GALNTL6: variants seen among roughly 807,000 people sequenced by gnomAD.
The protein encoded by GALNTL6 is polypeptide N-acetylgalactosaminyltransferase like 6.
GALNTL6 carries 46 observed loss-of-function variants against 73.7 expected under a neutral mutation model. The ratio of observed to expected loss-of-function variants is 0.62; its 90% CI spans 0.49 to 0.80. The LOEUF (loss-of-function observed/expected upper bound fraction) is 0.80. GALNTL6 is among the 30% of genes least tolerant of loss of function. GALNTL6 has a pLI of 0.00. For synonymous variants in GALNTL6, 259 were observed against 263.7 expected (o/e 0.98, Z 0.17); for missense variants, 604 against 755.0 (o/e 0.80, Z 2.34).
chr4:172,216,295 T>C (rs1157011095), intron 2 of GALNTL6, among the ~76,000 whole-genome samples: 1 of 152,106 alleles, frequency 6.6e-6, no homozygotes, highest in Admixed American at 6.6e-5. Context: ...GAAAAATAAT[T>C]TCACTGAGTA....
intron 5 of GALNTL6, among the ~76,000 whole-genome samples, chr4:172,698,742 TC>T (rs1445201025): frequency 2.6e-5 from 4 of 152,250 alleles, no homozygotes; most frequent in African/African-American, 9.6e-5. Flanking sequence ...TAAGGAGGTA[TC>T]CTCCTGCTCC....
chr4:172,478,512 A>G (rs1733323177), intron 5 of GALNTL6, among the ~76,000 whole-genome samples: 3 of 152,200 alleles, frequency 2.0e-5, no homozygotes, highest in South Asian at 2.1e-4. Flanking sequence ...AATTAACTCA[A>G]GGTGGATTAA....
chr4:172,936,106 G>C (rs1239731095), intron 9 of GALNTL6, among the ~76,000 whole-genome samples: 1 of 152,122 alleles, frequency 6.6e-6, no homozygotes, highest in African/African-American at 2.4e-5. Context: ...CTTCATACCT[G>C]GGATGCAAGG....
intron 2 of GALNTL6, among the ~76,000 whole-genome samples, chr4:172,185,502 G>T (rs894343004): frequency 1.3e-5 from 2 of 152,014 alleles, no homozygotes; most frequent in Non-Finnish European, 2.9e-5. Flanking sequence ...TTTATAATTT[G>T]TCCACTGACA....
chr4:171,904,726 G>A (rs1737218455), intron 2 of GALNTL6, among the ~76,000 whole-genome samples: 4 of 152,176 alleles, frequency 2.6e-5, no homozygotes, highest in Admixed American at 2.6e-4. Context: ...AGGAAAAAAT[G>A]TTAAGGGCAG....
At chr4:172,433,245 G>T (rs1731521363) in intron 5 of GALNTL6, among the ~76,000 whole-genome samples, 1 of 151,994 alleles carries the variant, frequency 6.6e-6, no homozygotes, top group African/African-American at 2.4e-5. Flanking sequence ...CAGCTTCATT[G>T]TTCATCTGGT....
At chr4:172,679,854 A>G (rs1028969570) in intron 5 of GALNTL6, among the ~76,000 whole-genome samples, 3 of 152,220 alleles carry the variant, frequency 2.0e-5, no homozygotes, top group African/African-American at 7.2e-5. Flanking sequence ...TCTTGAAAAC[A>G]CATATTGTCT....
At chr4:172,787,903 A>G (rs574186551) in intron 5 of GALNTL6, among the ~76,000 whole-genome samples, 156 of 152,376 alleles carry the variant, frequency 1.0e-3, no homozygotes, top group African/African-American at 3.1e-3. Context: ...ATCACAGAAC[A>G]TTAAAGAATA....
At chr4:172,258,127 A>G (rs930084255) in intron 3 of GALNTL6, among the ~76,000 whole-genome samples, 4 of 151,336 alleles carry the variant, frequency 2.6e-5, no homozygotes, top group African/African-American at 9.7e-5. Context: ...TATACTGGAC[A>G]AAAAGCATTT....
At chr4:172,249,916 G>A (rs1394618272) in intron 3 of GALNTL6, among the ~76,000 whole-genome samples, 1 of 152,184 alleles carries the variant, frequency 6.6e-6, no homozygotes, top group Non-Finnish European at 1.5e-5. Context: ...GAAATGTAGG[G>A]TTGGAGCCCC....
chr4:173,014,772 G>T (rs1255835817), intron 11 of GALNTL6, among the ~76,000 whole-genome samples: 1 of 152,108 alleles, frequency 6.6e-6, no homozygotes, highest in African/African-American at 2.4e-5. Flanking sequence ...AAGTGTATTG[G>T]CAGTACCAAA....
chr4:171,973,317 A>C (rs191634885), intron 2 of GALNTL6, among the ~76,000 whole-genome samples: 1 of 152,330 alleles, frequency 6.6e-6, no homozygotes, highest in African/African-American at 2.4e-5. Context: ...AAGGCCCAAA[A>C]CAATAGAAAT....
At chr4:172,620,416 T>G (rs1242224984) in intron 5 of GALNTL6, among the ~76,000 whole-genome samples, 1 of 152,194 alleles carries the variant, frequency 6.6e-6, no homozygotes, top group African/African-American at 2.4e-5. Context: ...AGAAAAATTT[T>G]TAAATGTTTC....
chr4:172,694,056 G>C (rs1733494884), intron 5 of GALNTL6, among the ~76,000 whole-genome samples: 1 of 151,782 alleles, frequency 6.6e-6, no homozygotes, highest in African/African-American at 2.4e-5. Context: ...CCTGCGTACT[G>C]AGGGCCAAGA....
intron 2 of GALNTL6, among the ~76,000 whole-genome samples, chr4:172,154,992 A>C (rs565130941): frequency 1.3e-3 from 201 of 151,440 alleles, no homozygotes; most frequent in Non-Finnish European, 2.3e-3. Context: ...TTAATAAGGA[A>C]ATCGTATCCT....
At chr4:172,287,000 TG>T (rs1185752341) in intron 3 of GALNTL6, among the ~76,000 whole-genome samples, 2 of 152,182 alleles carry the variant, frequency 1.3e-5, no homozygotes. Context: ...AGTGACCATG[TG>T]CCAGGGCTCT....
chr4:172,655,821 A>G (rs1730968912), intron 5 of GALNTL6, among the ~76,000 whole-genome samples: 2 of 152,222 alleles, frequency 1.3e-5, no homozygotes, highest in Admixed American at 1.3e-4. Flanking sequence ...TTTTTCTAGC[A>G]TAGTGTAGAG....
chr4:172,765,305 A>T (rs1263570531), intron 5 of GALNTL6, among the ~76,000 whole-genome samples: 1 of 152,196 alleles, frequency 6.6e-6, no homozygotes. Context: ...CCAAAACTTG[A>T]CCTTTTTATA....
chr4:172,662,522 C>T (rs1040453665), intron 5 of GALNTL6, among the ~76,000 whole-genome samples: 1 of 152,182 alleles, frequency 6.6e-6, no homozygotes, highest in African/African-American at 2.4e-5. Flanking sequence ...AACGGGAAAC[C>T]TGGAGCAGAA....
Sources: allele counts gnomAD v4.1 joint callset (sites outside exome capture counted in the v4.1 genomes callset), GRCh38; gene constraint gnomAD v4.1.1; transcripts MANE v1.5; gene names NCBI Gene and HGNC (gene_info 2026-07-23, HGNC 2026-07-21).